The following KCNT1 variants were observed in gnomAD, a reference collection of about 807,000 sequenced individuals.
KCNT1 encodes potassium sodium-activated channel subfamily T member 1.
Under a neutral mutation model 147.8 loss-of-function variants are expected in KCNT1, and 78 were observed. That is an observed-to-expected ratio of 0.53 (90% confidence interval 0.44 to 0.64). The LOEUF is 0.64. Ranked by LOEUF, KCNT1 falls within the 30% of genes least tolerant of loss-of-function variation. KCNT1 has a pLI of 0.00. For missense variants in KCNT1, 1,419 were observed against 1,750.3 expected, an observed-to-expected ratio of 0.81 and a Z score of 3.38; for synonymous variants, 867 against 748.8, an observed-to-expected ratio of 1.16 and a Z score of -2.58.
chr9:135,720,377 A>G (rs954696161), intron 2 of KCNT1, among the ~76,000 whole-genome samples: 8 of 129,810 alleles, frequency 6.2e-5, no homozygotes, highest in South Asian at 2.6e-4. Flanking sequence ...TAGCTGAACA[A>G]TTTCTCAGCT....
chr9:135,786,198 C>T lies in KCNT1; in HGVS notation c.3179C>T (p.Ser1060Phe), dbSNP rs758653391. The change falls in exon 29 of 31, where the codon TCC becomes TTC. Residue 1060 changes from serine (S) to phenylalanine (F), a missense_variant and splice_region_variant. Physicochemically the swap from Ser to Phe is radical, Grantham distance 155. Around this residue, in one of 5 missense-constraint regions of KCNT1, gnomAD observed 306 missense variants for 294.2 expected, o/e 1.04. Coordinates refer to ENST00000371757, the MANE Select transcript of KCNT1 (RefSeq NM_020822.3). ...CCTGCCCTGCCCTGCCCTGCCCAGTCCCAGATCTCGGTGAACGTGGAGGAC... is the reference window on the plus strand; with the variant it reads ...CCTGCCCTGCCCTGCCCTGCCCAGTTCCAGATCTCGGTGAACGTGGAGGAC... ...TSEPHDLRAQ[S>F]QISVNVEDCE... is the part of the protein sequence containing the mutation. 6.3e-7 allele frequency: 1 copy of T among 1,589,186 alleles called. No homozygotes were observed. The highest frequency in any genetic ancestry group is 8.6e-7 in the Non-Finnish European group (1 of 1,161,246).
chr9:135,774,683 G>A (rs1380124664), intron 19 of KCNT1, among the ~76,000 whole-genome samples: 1 of 152,098 alleles, frequency 6.6e-6, no homozygotes, highest in Non-Finnish European at 1.5e-5. Flanking sequence ...CGTGCACGTG[G>A]TGCACGTGTG....
Position 135,759,869 on chromosome 9 carries a change from C to T in KCNT1, c.1035+10C>T, listed in dbSNP as rs1327854252. 1.3e-6 allele frequency: 2 copies of T among 1,592,612 alleles called. No individual in the cohort carries two copies. Among genetic ancestry groups the T allele is most frequent in the Non-Finnish European group, 8.6e-7 (1 of 1,168,534 alleles). ...GGTGCTCCCACTGCAGGTGGGTCCTCTGGGCACCAGCCCTGGGTGGCACCA... is the reference window on the plus strand; with the variant it reads ...GGTGCTCCCACTGCAGGTGGGTCCTTTGGGCACCAGCCCTGGGTGGCACCA... On this transcript the variant is annotated intron_variant, in intron 11 of 30. Coordinates refer to ENST00000371757, the MANE Select transcript of KCNT1 (RefSeq NM_020822.3).
At chr9:135,705,631 C>G (rs767464619) in intron 1 of KCNT1, among the ~76,000 whole-genome samples, 28 of 152,230 alleles carry the variant, frequency 1.8e-4, no homozygotes, top group Non-Finnish European at 2.8e-4. Context: ...TCAAAGGTGT[C>G]TTGGGACCTC....
Position 135,714,481 on chromosome 9 carries a change from G to C in KCNT1, c.111-96G>C, listed in dbSNP as rs997287082. On this transcript the variant is annotated intron_variant, in intron 1 of 30. Coordinates refer to ENST00000371757, the MANE Select transcript of KCNT1 (RefSeq NM_020822.3). This position sits in a 1 kb window ranked among gnomAD's most constrained non-coding sequence, Gnocchi z 6.2. Reference sequence around the variant, plus strand: ...CGCCCGGTGGGTCGCGGTGGCCGCGGGCTGCGCTGCGCGGGCCGGGCCTGG... The same window carrying C: ...CGCCCGGTGGGTCGCGGTGGCCGCGCGCTGCGCTGCGCGGGCCGGGCCTGG... 2.3e-3 allele frequency: 2,001 copies of C among 863,740 alleles called. 34 individuals carry two copies. The African/African-American group carries it at 0.032, about 14-fold the overall frequency. 53.5% of individuals were successfully genotyped at this position (863,740 alleles called of 1,614,324 possible). A position where few individuals can be genotyped will look rare whatever the true frequency, so the allele number is the denominator to read the frequency against.
At chr9:135,786,153 G>T in intron 28 of KCNT1, 44 bp from the exon 29 acceptor site, 1 of 1,553,178 alleles carries the variant, frequency 6.4e-7, no homozygotes, top group Admixed American at 2.0e-5. Context: ...GACCCTCCCG[G>T]CAGCCTCACC....
chr9:135,784,523 C>A lies in KCNT1; in HGVS notation c.2944-12C>A, dbSNP rs1271583153. On this transcript the variant is annotated splice_polypyrimidine_tract_variant and intron_variant, in intron 25 of 30. Coordinates refer to ENST00000371757, the MANE Select transcript of KCNT1 (RefSeq NM_020822.3). ...CCTCCCTCCCTCCCTCCCTCCCTCC[C>A]TCCCTGGCCAGTCCTTCGTGAAGGA... The A allele has an allele frequency of 1.1e-6, 1 of 917,994 alleles. No individual in the cohort carries two copies. Among genetic ancestry groups the A allele is most frequent in the Non-Finnish European group, 1.6e-6 (1 of 615,716 alleles). 56.9% of individuals were successfully genotyped at this position (917,994 alleles called of 1,614,324 possible).
intron 29 of KCNT1, chr9:135,790,311 G>C (rs965648223): frequency 6.6e-6 from 1 of 152,270 alleles, no homozygotes; most frequent in Non-Finnish European, 1.5e-5. Flanking sequence ...GGGAGGGTGT[G>C]TCTCCCTGCA....
chr9:135,779,610 TG>T, intron 24 of KCNT1, 140 bp downstream of exon 24: 4 of 663,884 alleles, frequency 6.0e-6, no homozygotes, highest in Non-Finnish European at 1.1e-5. Context: ...GGAGATGGCG[TG>T]GGGGGCCCAG....
In KCNT1 at chr9:135,771,092, A is replaced by G. The variant is rs576552962; in HGVS notation, c.2005A>G (p.Met669Val). Residue 669 changes from methionine to valine, a missense_variant, in exon 18 of 31, where the codon ATG becomes GTG. Around this residue, in one of 5 missense-constraint regions of KCNT1, gnomAD observed 284 missense variants for 292.8 expected, o/e 0.97. Coordinates refer to ENST00000371757, the MANE Select transcript of KCNT1 (RefSeq NM_020822.3). ...GCCCGTGCACAGCATCATCGCCTCC[A>G]TGGGTGAGCCGGGACAGGCGCGCGG... ...RLPVHSIIAS[M>V]GTVAMDLQGT... 7.5e-6 allele frequency: 12 copies of G among 1,609,830 alleles called. No individual in the cohort carries two copies. In the Admixed American group the frequency reaches 1.3e-4, roughly 18 times the overall value.
At chr9:135,755,889 G>C (rs1439614272) in intron 6 of KCNT1, among the ~76,000 whole-genome samples, 1 of 150,640 alleles carries the variant, frequency 6.6e-6, no homozygotes, top group Non-Finnish European at 1.5e-5. Context: ...CCCAGGCTCA[G>C]TAAGCATGGG....
chr9:135,714,762 G>T lies in KCNT1; in HGVS notation c.254+42G>T, dbSNP rs1194373649. On this transcript the variant is annotated intron_variant, in intron 2 of 30. Transcript: ENST00000371757. This position sits in a 1 kb window ranked among gnomAD's most constrained non-coding sequence, Gnocchi z 6.2. ...GGGTGGGGGCTGGGGTCGCCGTCCC[G>T]GCGCCGCCGCACGCCCGGAGCTGTC... is the stretch of plus-strand genomic sequence containing the variant. The T allele has an allele frequency of 1.7e-6, 2 of 1,199,382 alleles. No individual in the cohort carries two copies. Among genetic ancestry groups the T allele is most frequent in the South Asian group, 5.1e-5 (2 of 39,284 alleles). The allele number at this position is 1,199,382 out of a possible 1,614,324, so 74.3% of individuals were successfully genotyped here.
At chr9:135,709,171 C>T (rs1007227581) in intron 1 of KCNT1, among the ~76,000 whole-genome samples, 8 of 152,192 alleles carry the variant, frequency 5.3e-5, no homozygotes, top group African/African-American at 1.9e-4. Flanking sequence ...CAGAGAAACC[C>T]ACCTCTTCTT....
intron 29 of KCNT1, among the ~76,000 whole-genome samples, chr9:135,788,672 G>A (rs1406994191): frequency 6.6e-6 from 1 of 152,196 alleles, no homozygotes; most frequent in Non-Finnish European, 1.5e-5. Context: ...CAAGCCACGA[G>A]GAGTAGGCAG....
Position 135,752,808 on chromosome 9 carries a change from C to T in KCNT1, c.435-1129C>T, listed in dbSNP as rs1473356386. 7.9e-6 allele frequency among the ~76,000 whole-genome samples: 1 copy of T among 126,676 alleles called. No individual in the cohort carries two copies. Among genetic ancestry groups the T allele is most frequent in the Non-Finnish European group, 1.7e-5 (1 of 60,484 alleles). 83.1% of individuals were successfully genotyped at this position (126,676 alleles called of 152,430 possible). Reference sequence around the variant, plus strand: ...TGGATGGATGGATGGATGGATGATGCGTGGATGGGTGGAGGGATGGATGTT... The same window carrying T: ...TGGATGGATGGATGGATGGATGATGTGTGGATGGGTGGAGGGATGGATGTT... On this transcript the variant is annotated intron_variant, in intron 4 of 30. Transcript: ENST00000371757. This position sits in a 1 kb window ranked among gnomAD's most constrained non-coding sequence, Gnocchi z 5.1.
chr9:135,754,050 G>A, intron 5 of KCNT1, 57 bp downstream of exon 5: 1 of 1,503,464 alleles, frequency 6.7e-7, no homozygotes, highest in East Asian at 2.3e-5. Context: ...GGACCAGGGT[G>A]GGGTGGGATG....
At chr9:135,707,966 C>T (rs576863722) in intron 1 of KCNT1, among the ~76,000 whole-genome samples, 3 of 152,240 alleles carry the variant, frequency 2.0e-5, no homozygotes, top group Admixed American at 6.5e-5. Context: ...TAAAGAGAGA[C>T]GTCACCGAGG....
intron 2 of KCNT1, among the ~76,000 whole-genome samples, chr9:135,735,691 G>A (rs1830309789): frequency 6.6e-6 from 1 of 152,166 alleles, no homozygotes; most frequent in Non-Finnish European, 1.5e-5. Context: ...GGCCCTGGCT[G>A]TTGGTTGGGG....
rs1832838063 is a variant in KCNT1 at position 135,772,718 on chromosome 9, C to T, written c.2012C>T (p.Thr671Ile). The T allele has an allele frequency of 7.9e-6, 11 of 1,393,078 alleles. No homozygotes were observed. The highest frequency in any genetic ancestry group is 3.5e-5 in the Admixed American group (1 of 28,764). 86.3% of individuals were successfully genotyped at this position (1,393,078 alleles called of 1,614,324 possible). A position where few individuals can be genotyped will look rare whatever the true frequency, so the allele number is the denominator to read the frequency against. Residue 671 changes from threonine to isoleucine, a missense_variant, in exon 19 of 31, where the codon ACA becomes ATA. Transcript: ENST00000371757. Reference protein sequence around the residue: ...PVHSIIASMGTVAMDLQGTEH... With the variant: ...PVHSIIASMGIVAMDLQGTEH... Reference sequence around the variant, plus strand: ...CAAGCACAGGGCTCTCTTCCAGGGACAGTGGCCATGGACCTGCAGGGCACA... The same window carrying T: ...CAAGCACAGGGCTCTCTTCCAGGGATAGTGGCCATGGACCTGCAGGGCACA...
Sources: gnomAD v4.1 joint callset for allele counts (sites outside exome capture counted in the v4.1 genomes callset) on GRCh38, gnomAD v4.1.1 for gene constraint, gnomAD v4.1.1 regional missense constraint, Gnocchi (gnomAD v3.1) non-coding constraint, MANE v1.5 for transcripts, NCBI Gene and HGNC (gene_info 2026-07-23, HGNC 2026-07-21) for gene names.